Variants in SYNPR observed in about 807,000 individuals in gnomAD.
SYNPR encodes synaptoporin.
In SYNPR, 23 loss-of-function variants were observed where a neutral mutation model predicts 32.9. That is an observed-to-expected ratio of 0.70 (90% CI 0.50 to 0.99). The LOEUF is 0.99. Among genes scored for constraint, SYNPR ranks in the 50% least tolerant of loss-of-function variants. The pLI is 0.00. For synonymous variants in SYNPR, 146 were observed against 135.9 expected (o/e 1.07, Z -0.52); for missense variants, 318 against 349.3 (o/e 0.91, Z 0.71).
In SYNPR at chr3:63,465,119, G is replaced by A. The variant is rs540605448; in HGVS notation, c.85-15713G>A. Among the ~76,000 whole-genome samples the A allele has an allele frequency of 1.6e-3, 237 of 152,262 alleles. 4 individuals carry two copies. The highest frequency in any genetic ancestry group is 3.8e-3 in the Admixed American group (58 of 15,288). On this transcript the variant is annotated intron_variant, in intron 2 of 5. Transcript: ENST00000478300. ...TAGAAAGACATTATTGAAAGATGGC[G>A]AGGATCTTCATCTTATTGCCTAAAA...
chr3:63,497,437 C>G (rs1254386413), intron 3 of SYNPR, among the ~76,000 whole-genome samples: 2 of 151,978 alleles, frequency 1.3e-5, no homozygotes, highest in Admixed American at 6.6e-5. Context: ...TAGTTTATGT[C>G]TTGCTAAAAT....
Position 63,251,829 on chromosome 3 carries a change from C to A in SYNPR, n.67-670C>A, listed in dbSNP as rs1429225950. 2.6e-5 allele frequency among the ~76,000 whole-genome samples: 4 copies of A among 151,892 alleles called. No individual in the cohort carries two copies. The East Asian group carries it at 7.8e-4, about 30-fold the overall frequency. ...CCCTATACCCTCTGTTCTATATAAA[C>A]CTCAGGTAACTCAGACAAATGCCAT... On this transcript the variant is annotated intron_variant and non_coding_transcript_variant, in intron 1 of 4. Transcript: ENST00000478456.
chr3:63,481,443 A>G (rs902432149), intron 3 of SYNPR, among the ~76,000 whole-genome samples: 68 of 119,806 alleles, frequency 5.7e-4, no homozygotes, highest in East Asian at 3.4e-3. Flanking sequence ...GTGTATATAT[A>G]TATATATATG....
intron 2 of SYNPR, among the ~76,000 whole-genome samples, chr3:63,352,092 C>T (rs1575607123): frequency 6.6e-6 from 1 of 151,864 alleles, no homozygotes; most frequent in Non-Finnish European, 1.5e-5. Flanking sequence ...GACAGTAAGT[C>T]CAAAGGTCCT....
intron 2 of SYNPR, among the ~76,000 whole-genome samples, chr3:63,364,255 CA>C (rs1432911319): frequency 6.6e-6 from 1 of 152,066 alleles, no homozygotes; most frequent in Non-Finnish European, 1.5e-5. Flanking sequence ...CACTTTTGTG[CA>C]AGGTATTAAG....
intron 2 of SYNPR, among the ~76,000 whole-genome samples, chr3:63,287,091 A>G (rs954753052): frequency 4.6e-5 from 7 of 152,084 alleles, no homozygotes; most frequent in Non-Finnish European, 7.4e-5. Context: ...TTTGAAGCCT[A>G]CAAGAAAGGA....
the SYNPR span, among the ~76,000 whole-genome samples, chr3:63,221,998 G>A: frequency 1.2e-5 from 1 of 82,028 alleles, no homozygotes; most frequent in Non-Finnish European, 2.9e-5. Context: ...CTCTGTGCAA[G>A]AGGCCATGCT....
intron 2 of SYNPR, among the ~76,000 whole-genome samples, chr3:63,458,195 ACTCTT>A (rs1222449316): frequency 6.6e-6 from 1 of 151,970 alleles, no homozygotes; most frequent in Non-Finnish European, 1.5e-5. Context: ...CTTTCATGGC[ACTCTT>A]CTCTGCTTCA....
chr3:63,551,328 T>C (rs1223015587), intron 3 of SYNPR, among the ~76,000 whole-genome samples: 1 of 152,226 alleles, frequency 6.6e-6, no homozygotes, highest in Non-Finnish European at 1.5e-5. Flanking sequence ...TAATAGACAT[T>C]GCAGTTGTTT....
intron 4 of SYNPR, among the ~76,000 whole-genome samples, chr3:63,604,407 T>A (rs968977124): frequency 9.9e-5 from 15 of 152,206 alleles, no homozygotes; most frequent in Non-Finnish European, 1.6e-4. Flanking sequence ...TTTGCTCTTG[T>A]TTCCTTAGTT....
chr3:63,417,772 C>T (rs67181424), intron 2 of SYNPR, among the ~76,000 whole-genome samples: 27,388 of 152,174 alleles, frequency 0.18, 3,288 homozygotes, highest in Admixed American at 0.25. Context: ...TACCTTGGCC[C>T]CTTTTAGTCA....
intron 2 of SYNPR, among the ~76,000 whole-genome samples, chr3:63,438,057 A>AG (rs1439869096): frequency 2.0e-5 from 3 of 152,224 alleles, no homozygotes; most frequent in African/African-American, 7.2e-5. Flanking sequence ...TCCCTTATTC[A>AG]GCAAATAGTC....
intron 2 of SYNPR, among the ~76,000 whole-genome samples, chr3:63,364,291 T>C (rs2087703155): frequency 6.6e-6 from 1 of 152,166 alleles, no homozygotes; most frequent in Non-Finnish European, 1.5e-5. Context: ...TGCTCAGATA[T>C]TGGTGATGCT....
chr3:63,426,599 A>G (rs2107138963), intron 2 of SYNPR: 1 of 152,298 alleles, frequency 6.6e-6, no homozygotes, highest in Non-Finnish European at 1.5e-5. Context: ...CATTGCATGT[A>G]CACAAAATGG....
chr3:63,528,248 A>C (rs972660304), intron 3 of SYNPR, among the ~76,000 whole-genome samples: 1 of 152,194 alleles, frequency 6.6e-6, no homozygotes, highest in African/African-American at 2.4e-5. Flanking sequence ...TGCAACCTCA[A>C]TTTGGGGTCA....
chr3:63,339,891 A>T (rs2087342174), intron 2 of SYNPR, among the ~76,000 whole-genome samples: 1 of 152,116 alleles, frequency 6.6e-6, no homozygotes, highest in Non-Finnish European at 1.5e-5. Context: ...TCCTGACCTC[A>T]GGTGATCTGC....
chr3:63,307,781 T>C (rs2086922176), intron 2 of SYNPR, among the ~76,000 whole-genome samples: 1 of 152,032 alleles, frequency 6.6e-6, no homozygotes, highest in African/African-American at 2.4e-5. Context: ...TGAGATGAAG[T>C]GAGAATTTCT....
chr3:63,267,613 G>A (rs963838961), intron 3 of SYNPR, among the ~76,000 whole-genome samples: 4 of 152,098 alleles, frequency 2.6e-5, no homozygotes, highest in Non-Finnish European at 5.9e-5. Context: ...TAGTTAAGAG[G>A]GACAGGAAGA....
At chr3:63,352,900 A>G (rs2087528260) in intron 2 of SYNPR, among the ~76,000 whole-genome samples, 1 of 152,138 alleles carries the variant, frequency 6.6e-6, no homozygotes, top group South Asian at 2.1e-4. Flanking sequence ...ACCTGCCCCC[A>G]TGATTCAATT....
Sources: gnomAD v4.1 joint callset for allele counts (sites outside exome capture counted in the v4.1 genomes callset) on GRCh38, gnomAD v4.1.1 for gene constraint, MANE v1.5 for transcripts, NCBI Gene and HGNC (gene_info 2026-07-23, HGNC 2026-07-21) for gene names.